The following MYO16 variants were observed in gnomAD, a reference collection of about 807,000 sequenced individuals.
MYO16 encodes myosin XVI, also known as unconventional myosin-XVI.
MYO16 carries 94 observed loss-of-function variants against 205.3 expected under a neutral mutation model. The observed-to-expected ratio is 0.46, with a 90% confidence interval of 0.39 to 0.54. The LOEUF (loss-of-function observed/expected upper bound fraction) is 0.54. Ranked by LOEUF, MYO16 falls within the 20% of genes least tolerant of loss-of-function variation. The probability of loss-of-function intolerance (pLI) is 0.00; values close to 1 mark genes in which losing one functional copy is unlikely to be tolerated. For missense variants in MYO16, 2,315 were observed against 2,387.5 expected (o/e 0.97, Z 0.63); for synonymous variants, 988 against 954.0 (o/e 1.04, Z -0.66).
chr13:108,559,889 A>C, the MYO16 span, among the ~76,000 whole-genome samples: 1 of 152,172 alleles, frequency 6.6e-6, no homozygotes, highest in Admixed American at 6.6e-5. Context: ...CCTAGAAATC[A>C]AAAGCTTTAA....
chr13:108,885,729 A>T (rs1198240601), intron 13 of MYO16, among the ~76,000 whole-genome samples: 2 of 152,080 alleles, frequency 1.3e-5, no homozygotes, highest in African/African-American at 4.8e-5. Context: ...GCTCCCACTT[A>T]ATTCTAGGAT....
intron 34 of MYO16, among the ~76,000 whole-genome samples, chr13:109,196,362 A>G (rs1880152807): frequency 6.6e-6 from 1 of 152,204 alleles, no homozygotes; most frequent in African/African-American, 2.4e-5. Context: ...TACCATTTCT[A>G]TGAAGGAATC....
At chr13:109,113,185 T>A (rs184561603) in intron 28 of MYO16, among the ~76,000 whole-genome samples, 1 of 152,200 alleles carries the variant, frequency 6.6e-6, no homozygotes, top group East Asian at 1.9e-4. Context: ...AAGCCTACTA[T>A]ACAACATTTC....
the MYO16 span, among the ~76,000 whole-genome samples, chr13:108,554,161 A>G: frequency 6.6e-6 from 1 of 152,172 alleles, no homozygotes; most frequent in South Asian, 2.1e-4. Context: ...ACTTGACGAC[A>G]AATTACAGAA....
At position 108,720,407 on chromosome 13, in the gene MYO16, G is replaced by A. The variant is rs1407216982; in HGVS notation, c.364-7033G>A. On this transcript the variant is annotated intron_variant, in intron 3 of 34. Transcript: ENST00000457511. ...TGATATAAATTTATCTATTTTGTCC[G>A]CTACTTTTCTTCTCTCTCTGTCACT... Among the ~76,000 whole-genome samples the A allele has an allele frequency of 2.0e-5, 3 of 152,040 alleles. No homozygotes were observed. The South Asian group carries it at 6.2e-4, about 32-fold the overall frequency.
At chr13:109,103,682 A>G (rs923911805) in intron 28 of MYO16, among the ~76,000 whole-genome samples, 39 of 152,282 alleles carry the variant, frequency 2.6e-4, no homozygotes, top group African/African-American at 9.1e-4. Context: ...TCAATATGAG[A>G]TGGTAACTCT....
chr13:109,023,757 AC>A (rs1255916352), intron 23 of MYO16, among the ~76,000 whole-genome samples: 1 of 99,192 alleles, frequency 1.0e-5, no homozygotes, highest in Non-Finnish European at 2.0e-5. Context: ...GTATATGTAT[AC>A]AAATATGTTT....
the MYO16 span, among the ~76,000 whole-genome samples, chr13:108,563,390 G>A: frequency 6.6e-6 from 1 of 151,910 alleles, no homozygotes; most frequent in Non-Finnish European, 1.5e-5. Flanking sequence ...ATTGACTGTA[G>A]TCCCCCTATT....
At chr13:109,013,104 C>T (rs1217696044) in intron 22 of MYO16, among the ~76,000 whole-genome samples, 11 of 11,546 alleles carry the variant, frequency 9.5e-4, no homozygotes, top group Admixed American at 5.9e-3. Flanking sequence ...CCTAATGCTA[C>T]CCCTCCCCCA....
chr13:108,890,722 T>G (rs1284422528), intron 14 of MYO16, among the ~76,000 whole-genome samples: 1 of 152,240 alleles, frequency 6.6e-6, no homozygotes, highest in African/African-American at 2.4e-5. Context: ...GCCATCAGCC[T>G]GTATCACCAG....
At chr13:108,929,588 G>A (rs917683548) in intron 16 of MYO16, among the ~76,000 whole-genome samples, 5 of 152,218 alleles carry the variant, frequency 3.3e-5, no homozygotes, top group African/African-American at 1.2e-4. Context: ...GAGCACACCT[G>A]GCAATATCTG....
intron 12 of MYO16, among the ~76,000 whole-genome samples, chr13:108,873,253 T>A (rs1879152145): frequency 6.6e-6 from 1 of 152,226 alleles, no homozygotes; most frequent in African/African-American, 2.4e-5. Flanking sequence ...TATGATTATA[T>A]CTGTAAAGAT....
At chr13:108,907,154 A>G (rs1157741) in intron 15 of MYO16, among the ~76,000 whole-genome samples, 82,965 of 151,950 alleles carry the variant, frequency 0.55, 23,250 homozygotes, top group East Asian at 0.71. Flanking sequence ...GAACAAAGGC[A>G]GGAATTTTTC....
chr13:109,087,927 T>C (rs765137393), intron 27 of MYO16, among the ~76,000 whole-genome samples: 1 of 152,228 alleles, frequency 6.6e-6, no homozygotes, highest in Non-Finnish European at 1.5e-5. Context: ...ATCTGTTCTT[T>C]TCAGTTTAAC....
intron 11 of MYO16, among the ~76,000 whole-genome samples, chr13:108,863,117 A>G (rs567908376): frequency 6.6e-6 from 1 of 152,256 alleles, no homozygotes; most frequent in South Asian, 2.1e-4. Flanking sequence ...TAAACAGTCC[A>G]TTGGTTTTCT....
At chr13:108,558,530 C>T in the MYO16 span, among the ~76,000 whole-genome samples, 6,683 of 152,270 alleles carry the variant, frequency 0.044, 444 homozygotes, top group African/African-American at 0.15. Flanking sequence ...CTATCAGGTA[C>T]TTGAAGATAA....
intron 7 of MYO16, among the ~76,000 whole-genome samples, chr13:108,810,565 T>C (rs182736144): frequency 2.0e-5 from 3 of 152,302 alleles, no homozygotes; most frequent in Admixed American, 6.5e-5. Flanking sequence ...TTCTAAAAAA[T>C]TGTTCTCTCA....
At chr13:108,700,489 C>T (rs1226267828) in intron 2 of MYO16, among the ~76,000 whole-genome samples, 6 of 152,158 alleles carry the variant, frequency 3.9e-5, no homozygotes, top group Admixed American at 3.9e-4. Context: ...ACCCAGCAGC[C>T]TTGCAATCTT....
intron 4 of MYO16, among the ~76,000 whole-genome samples, chr13:108,766,533 C>T (rs1885782964): frequency 6.6e-6 from 1 of 152,084 alleles, no homozygotes; most frequent in Admixed American, 6.6e-5. Context: ...AATTTCAGAG[C>T]AAGGGGGGTT....
Sources: allele counts gnomAD v4.1 joint callset (sites outside exome capture counted in the v4.1 genomes callset), GRCh38; gene constraint gnomAD v4.1.1; transcripts MANE v1.5; gene names NCBI Gene and HGNC (gene_info 2026-07-23, HGNC 2026-07-21).